Variants in F13A1 observed in about 807,000 individuals in gnomAD.
The protein encoded by F13A1 is coagulation factor XIII A chain.
A neutral mutation model predicts 80.1 loss-of-function variants in F13A1; 47 were observed. The ratio of observed to expected loss-of-function variants is 0.59; its 90% CI spans 0.46 to 0.75. The LOEUF is 0.75. Ranked by LOEUF, F13A1 falls within the 30% of genes least tolerant of loss-of-function variation. The probability of loss-of-function intolerance (pLI) is 0.00; values close to 1 mark genes in which losing one functional copy is unlikely to be tolerated. For synonymous variants in F13A1, 349 were observed against 344.9 expected (o/e 1.01, Z -0.13); for missense variants, 817 against 930.4 (o/e 0.88, Z 1.59).
chr6:6,166,834 C>A (rs547643992), intron 13 of F13A1, among the ~76,000 whole-genome samples: 3 of 152,264 alleles, frequency 2.0e-5, no homozygotes, highest in African/African-American at 7.2e-5. Flanking sequence ...ATGGGCAAAA[C>A]AAACCTATGG....
At chr6:6,263,309 GA>G (rs1757802132) in intron 4 of F13A1, among the ~76,000 whole-genome samples, 1 of 152,172 alleles carries the variant, frequency 6.6e-6, no homozygotes, top group Admixed American at 6.6e-5. Flanking sequence ...TCCTTTTCAA[GA>G]TCATCGAAGA....
intron 8 of F13A1, among the ~76,000 whole-genome samples, chr6:6,206,842 C>T (rs997505216): frequency 1.3e-5 from 2 of 149,420 alleles, no homozygotes; most frequent in African/African-American, 4.9e-5. Flanking sequence ...AGATATATGT[C>T]AGGAAGACTC....
intron 10 of F13A1, among the ~76,000 whole-genome samples, chr6:6,186,137 A>G (rs1761076751): frequency 6.6e-6 from 1 of 150,492 alleles, no homozygotes; most frequent in Non-Finnish European, 1.5e-5. Flanking sequence ...TTGTCAGATG[A>G]GTAGGTTGCA....
At chr6:6,172,612 A>G (rs1760796707) in intron 12 of F13A1, among the ~76,000 whole-genome samples, 1 of 151,768 alleles carries the variant, frequency 6.6e-6, no homozygotes, top group Non-Finnish European at 1.5e-5. Flanking sequence ...CGCCTGGCTA[A>G]TTTTTTGTAT....
intron 3 of F13A1, among the ~76,000 whole-genome samples, chr6:6,287,711 G>T (rs922784912): frequency 6.6e-6 from 1 of 152,208 alleles, no homozygotes; most frequent in Non-Finnish European, 1.5e-5. Flanking sequence ...GAAGCACATG[G>T]TAAGGTCTCT....
intron 6 of F13A1, among the ~76,000 whole-genome samples, chr6:6,247,960 T>C (rs758514533): frequency 1.9e-4 from 29 of 152,226 alleles, no homozygotes; most frequent in Non-Finnish European, 3.1e-4. Context: ...CTGTGCACCT[T>C]GATGTTTGGT....
intron 4 of F13A1, among the ~76,000 whole-genome samples, chr6:6,263,473 C>T (rs1030543408): frequency 2.0e-5 from 3 of 152,158 alleles, no homozygotes; most frequent in African/African-American, 7.2e-5. Flanking sequence ...TGCTCCTGCT[C>T]AGCCTCCTTT....
chr6:6,237,103 G>T (rs569717049), intron 6 of F13A1, among the ~76,000 whole-genome samples: 1 of 152,210 alleles, frequency 6.6e-6, no homozygotes, highest in East Asian at 1.9e-4. Context: ...AATAATAGCT[G>T]CTCTGCTTTT....
At chr6:6,151,219 T>G (rs114351705) in intron 14 of F13A1, among the ~76,000 whole-genome samples, 3,261 of 152,176 alleles carry the variant, frequency 0.021, 48 homozygotes, top group Middle Eastern at 0.048. Flanking sequence ...TTACAGAACC[T>G]GGGGTTGTCT....
At chr6:6,255,261 T>C (rs1757687825) in intron 4 of F13A1, among the ~76,000 whole-genome samples, 1 of 152,296 alleles carries the variant, frequency 6.6e-6, no homozygotes, top group Admixed American at 6.5e-5. Flanking sequence ...ATTGTTATAC[T>C]GCTTATTTAT....
chr6:6,201,252 C>T (rs1761388799), intron 8 of F13A1, among the ~76,000 whole-genome samples: 1 of 152,168 alleles, frequency 6.6e-6, no homozygotes, highest in African/African-American at 2.4e-5. Flanking sequence ...TGACCAGGAC[C>T]CGGGGAAAAG....
chr6:6,211,284 A>G (rs1225828460), intron 8 of F13A1, among the ~76,000 whole-genome samples: 1 of 152,246 alleles, frequency 6.6e-6, no homozygotes, highest in Non-Finnish European at 1.5e-5. Flanking sequence ...TGTTTTTTCC[A>G]ACACTATTGT....
chr6:6,287,535 A>G (rs1758156243), intron 3 of F13A1, among the ~76,000 whole-genome samples: 1 of 151,040 alleles, frequency 6.6e-6, no homozygotes, highest in Non-Finnish European at 1.5e-5. Flanking sequence ...GCGTTTGTGG[A>G]TGTTCTGAGT....
At chr6:6,241,537 T>C (rs751855863) in intron 6 of F13A1, among the ~76,000 whole-genome samples, 2 of 152,186 alleles carry the variant, frequency 1.3e-5, no homozygotes, top group African/African-American at 2.4e-5. Context: ...AAAATCCATA[T>C]GGGTAAATGT....
chr6:6,186,371 C>T (rs1183940319), intron 10 of F13A1, among the ~76,000 whole-genome samples: 5 of 152,180 alleles, frequency 3.3e-5, no homozygotes, highest in Non-Finnish European at 1.5e-5. Context: ...ACGTTTAAGT[C>T]TTTAATCCAT....
intron 11 of F13A1, 97 bp from the exon 12 acceptor site, chr6:6,174,964 T>C: frequency 6.9e-7 from 1 of 1,445,440 alleles, no homozygotes; most frequent in South Asian, 1.2e-5. Context: ...TGTTGGGGTG[T>C]TTCTATAATA....
At chr6:6,186,238 T>G (rs1410752583) in intron 10 of F13A1, among the ~76,000 whole-genome samples, 2 of 150,864 alleles carry the variant, frequency 1.3e-5, no homozygotes. Flanking sequence ...TAGATCCCAT[T>G]TGTCAATTTT....
chr6:6,199,137 G>T (rs1374810299), intron 8 of F13A1, among the ~76,000 whole-genome samples: 1 of 152,202 alleles, frequency 6.6e-6, no homozygotes, highest in Non-Finnish European at 1.5e-5. Flanking sequence ...TTAGTGCGAA[G>T]TGGTGTTCTA....
At chr6:6,148,404 A>C (rs1760321416) in intron 14 of F13A1, among the ~76,000 whole-genome samples, 1 of 152,162 alleles carries the variant, frequency 6.6e-6, no homozygotes, top group Non-Finnish European at 1.5e-5. Flanking sequence ...CTTTGGGTTC[A>C]ATAACCCCTG....
Sources: allele counts gnomAD v4.1 joint callset (sites outside exome capture counted in the v4.1 genomes callset), GRCh38; gene constraint gnomAD v4.1.1; transcripts MANE v1.5; gene names NCBI Gene and HGNC (gene_info 2026-07-23, HGNC 2026-07-21).